GALNT2: variants seen among roughly 807,000 people sequenced by gnomAD.
The protein encoded by GALNT2 is UDP-GalNAc:polypeptide N-acetylgalactosaminyltransferase 2.
Under a neutral mutation model 81.4 loss-of-function variants are expected in GALNT2, and 31 were observed. The ratio of observed to expected loss-of-function variants is 0.38; its 90% CI spans 0.29 to 0.51. The LOEUF (loss-of-function observed/expected upper bound fraction) is 0.51, where lower values mean the gene tolerates loss of function less well. Among genes scored for constraint, GALNT2 ranks in the 20% least tolerant of loss-of-function variants. The probability of loss-of-function intolerance (pLI) is 0.87; values close to 1 mark genes in which losing one functional copy is unlikely to be tolerated. For synonymous variants in GALNT2, 303 were observed against 287.4 expected, an observed-to-expected ratio of 1.05 and a Z score of -0.55; for missense variants, 629 against 765.7, an observed-to-expected ratio of 0.82 and a Z score of 2.11.
chr1:230,153,990 A>C (rs1368278655), intron 1 of GALNT2, among the ~76,000 whole-genome samples: 2 of 152,230 alleles, frequency 1.3e-5, no homozygotes, highest in African/African-American at 4.8e-5. Context: ...CTACCTTATA[A>C]AGACTCAGAA....
rs1319524057 is a variant in GALNT2, at chr1:230,282,086, A to T, written c.*2628A>T. On this transcript the variant is annotated 3_prime_UTR_variant, in exon 16 of 16. Coordinates refer to ENST00000366672, the MANE Select transcript of GALNT2 (RefSeq NM_004481.5). ...TTATAGATGGAAACCATCCTTGAAA[A>T]TTGTTTAACTTAAATAAAGAGAAGA... 1 of 139,460 alleles carries T rather than the reference A, an allele frequency of 7.2e-6. No homozygotes were observed. Among genetic ancestry groups the T allele is most frequent in the African/African-American group, 2.6e-5 (1 of 37,788 alleles). The allele number at this position is 139,460 out of a possible 1,614,324, so 8.6% of individuals were successfully genotyped here. A position where few individuals can be genotyped will look rare whatever the true frequency, so the allele number is the denominator to read the frequency against.
chr1:230,123,389 A>G (rs1221482332), intron 1 of GALNT2, among the ~76,000 whole-genome samples: 1 of 152,232 alleles, frequency 6.6e-6, no homozygotes, highest in African/African-American at 2.4e-5. Flanking sequence ...TGACAGCATC[A>G]TGGGAATACC....
intron 1 of GALNT2, among the ~76,000 whole-genome samples, chr1:230,151,679 C>A (rs1662098709): frequency 1.3e-5 from 2 of 152,150 alleles, no homozygotes; most frequent in South Asian, 4.2e-4. Context: ...TACAGATGAA[C>A]CAGTGTTACA....
At chr1:230,221,410 C>T (rs1187760865) in intron 3 of GALNT2, among the ~76,000 whole-genome samples, 1 of 152,164 alleles carries the variant, frequency 6.6e-6, no homozygotes, top group African/African-American at 2.4e-5. Flanking sequence ...TTATTTGGTT[C>T]TGAAAATGTA....
At chr1:230,143,256 A>T (rs568926769) in intron 1 of GALNT2, among the ~76,000 whole-genome samples, 1 of 152,178 alleles carries the variant, frequency 6.6e-6, no homozygotes, top group African/African-American at 2.4e-5. Context: ...TCTGGCTTTC[A>T]GTTTCTGCGT....
At chr1:230,139,114 G>A (rs1661647422) in intron 1 of GALNT2, among the ~76,000 whole-genome samples, 2 of 152,198 alleles carry the variant, frequency 1.3e-5, no homozygotes, top group Non-Finnish European at 2.9e-5. Flanking sequence ...ACCAACAAGA[G>A]CTTCTGGCTT....
intron 10 of GALNT2, among the ~76,000 whole-genome samples, chr1:230,254,803 T>G (rs907154688): frequency 2.0e-5 from 3 of 152,188 alleles, no homozygotes; most frequent in African/African-American, 7.2e-5. Context: ...CAAGTGCAAA[T>G]GATCGTGAGC....
At chr1:230,083,111 G>A (rs1012197211) in intron 1 of GALNT2, among the ~76,000 whole-genome samples, 9 of 148,256 alleles carry the variant, frequency 6.1e-5, no homozygotes, top group African/African-American at 2.3e-4. Context: ...GGAGCAGGGA[G>A]CCAGGATGAT....
intron 1 of GALNT2, among the ~76,000 whole-genome samples, chr1:230,164,428 T>C (rs1171825105): frequency 6.6e-6 from 1 of 152,192 alleles, no homozygotes; most frequent in African/African-American, 2.4e-5. Flanking sequence ...AAAGATTCAG[T>C]AGGGAAAGTG....
At chr1:230,112,269 A>G (rs1047703834) in intron 1 of GALNT2, among the ~76,000 whole-genome samples, 1 of 151,672 alleles carries the variant, frequency 6.6e-6, no homozygotes, top group African/African-American at 2.4e-5. Flanking sequence ...TTGAGAAAAC[A>G]GATTAGCTTA....
intron 1 of GALNT2, among the ~76,000 whole-genome samples, chr1:230,154,872 A>G (rs1287348898): frequency 6.6e-6 from 1 of 152,184 alleles, no homozygotes; most frequent in Non-Finnish European, 1.5e-5. Flanking sequence ...ATACTTACTC[A>G]GGTAGTCTCT....
chr1:230,065,153 CTT>C (rs905950804), upstream of GALNT2, among the ~76,000 whole-genome samples: 1 of 152,064 alleles, frequency 6.6e-6, no homozygotes, highest in African/African-American at 2.4e-5. Flanking sequence ...CCTTTCCTGG[CTT>C]TTATTTTAAC....
intron 1 of GALNT2, among the ~76,000 whole-genome samples, chr1:230,080,557 C>G (rs1659695909): frequency 6.6e-6 from 1 of 151,972 alleles, no homozygotes; most frequent in Admixed American, 6.6e-5. Flanking sequence ...TGTTTCTGGC[C>G]CTAGCCTCGT....
In GALNT2 at chr1:230,274,440, T is replaced by C. The variant is rs1399054575; in HGVS notation, c.1441-5T>C. Reference sequence around the variant, plus strand: ...ACGCCTCTGACTTCTGGTTTTGTGTTCCAGGAATGGGCCTTGACGAAGGAG... The same window carrying C: ...ACGCCTCTGACTTCTGGTTTTGTGTCCCAGGAATGGGCCTTGACGAAGGAG... On this transcript the variant is annotated splice_region_variant and splice_polypyrimidine_tract_variant and intron_variant, in intron 14 of 15. Coordinates refer to ENST00000366672, the MANE Select transcript of GALNT2 (RefSeq NM_004481.5). 6.2e-7 allele frequency: 1 copy of C among 1,613,106 alleles called. No individual in the cohort carries two copies.
At chr1:230,105,259 A>C (rs1660508862) in intron 1 of GALNT2, among the ~76,000 whole-genome samples, 1 of 152,196 alleles carries the variant, frequency 6.6e-6, no homozygotes, top group South Asian at 2.1e-4. Context: ...TCCCAGGGTT[A>C]TTGAAGAGCA....
At chr1:230,138,666 C>A (rs984130477) in intron 1 of GALNT2, among the ~76,000 whole-genome samples, 2 of 151,940 alleles carry the variant, frequency 1.3e-5, no homozygotes, top group African/African-American at 4.8e-5. Flanking sequence ...TTATGAGTTT[C>A]GTGGGAAAGG....
chr1:230,196,012 G>A (rs1298963640), intron 2 of GALNT2, among the ~76,000 whole-genome samples: 1 of 152,200 alleles, frequency 6.6e-6, no homozygotes, highest in African/African-American at 2.4e-5. Context: ...TCCTGTCTGA[G>A]CATCCTTCGT....
chr1:230,226,851 G>A (rs2102727900), intron 3 of GALNT2, among the ~76,000 whole-genome samples: 1 of 152,278 alleles, frequency 6.6e-6, no homozygotes, highest in South Asian at 2.1e-4. Context: ...CAATCACTCT[G>A]TGACTGAAGA....
At position 230,224,820 on chromosome 1, in the gene GALNT2, T is replaced by A. The variant is rs376096368; in HGVS notation, c.375-11194T>A. ...TTCAAAGGGAGTACAGTAAATACGATAGGCTTGAGTTTCCTGTGTCACAGG... is the reference window on the plus strand; with the variant it reads ...TTCAAAGGGAGTACAGTAAATACGAAAGGCTTGAGTTTCCTGTGTCACAGG... On this transcript the variant is annotated intron_variant, in intron 3 of 15. Coordinates refer to ENST00000366672, the MANE Select transcript of GALNT2 (RefSeq NM_004481.5). Among the ~76,000 whole-genome samples, 5 of 152,366 alleles carry A rather than the reference T, an allele frequency of 3.3e-5. No homozygotes were observed. In the East Asian group the frequency reaches 5.8e-4, roughly 18 times the overall value.
Sources: allele counts gnomAD v4.1 joint callset (sites outside exome capture counted in the v4.1 genomes callset), GRCh38; gene constraint gnomAD v4.1.1; transcripts MANE v1.5; gene names NCBI Gene and HGNC (gene_info 2026-07-23, HGNC 2026-07-21).